The following EIF4G2 variants were observed in gnomAD, a reference collection of about 807,000 sequenced individuals.
The protein encoded by EIF4G2 is DAP-5.
In EIF4G2, 8 loss-of-function variants were observed where a neutral mutation model predicts 117.7. That is an observed-to-expected ratio of 0.07 (90% confidence interval 0.04 to 0.12). EIF4G2 has a LOEUF of 0.12. Among genes scored for constraint, EIF4G2 ranks in the 10% least tolerant of loss-of-function variants. The pLI is 1.00. For missense variants in EIF4G2, 812 were observed against 1,086.2 expected, an observed-to-expected ratio of 0.75 and a Z score of 3.55; for synonymous variants, 413 against 367.8, an observed-to-expected ratio of 1.12 and a Z score of -1.41.
chr11:10,802,307 A>G lies in EIF4G2; in HGVS notation c.1125T>C (p.Phe375=). ...TTTCAAAATTACCTGGCATTTGTCCAAACATATCAGCAAGTCCTCCAAGTG... is the reference window on the plus strand; with the variant it reads ...TTTCAAAATTACCTGGCATTTGTCCGAACATATCAGCAAGTCCTCCAAGTG... The change falls in exon 12 of 22, where the codon TTT becomes TTC. Residue 375 remains phenylalanine (F), a synonymous_variant. Coordinates refer to ENST00000339995, the MANE Select transcript of EIF4G2 (RefSeq NM_001418.4). 1 of 1,613,430 alleles carries G rather than the reference A, an allele frequency of 6.2e-7. No individual in the cohort carries two copies. The highest frequency in any genetic ancestry group is 1.1e-5 in the South Asian group (1 of 90,984).
In EIF4G2 at chr11:10,800,787, G is replaced by A; in HGVS notation, c.1588C>T (p.Pro530Ser). 2 of 1,614,180 alleles carry A rather than the reference G, an allele frequency of 1.2e-6. No individual in the cohort carries two copies. Among genetic ancestry groups the A allele is most frequent in the Non-Finnish European group, 1.7e-6 (2 of 1,180,026 alleles). Residue 530 changes from proline to serine, a missense_variant, in exon 16 of 22, where the codon CCT (proline) becomes TCT (serine). By Grantham distance (74) the Pro-to-Ser change is moderately conservative. Transcript: ENST00000339995. ...GGTGGCTTTTTGCTGGTCTTGGCAG[G>A]CTTTTCCTGGATAAGCGGTGGATTA...
At position 10,800,731 on chromosome 11, in the gene EIF4G2, A is replaced by G. The variant is rs747767514; in HGVS notation, c.1644T>C (p.Thr548=). Reference sequence around the variant, plus strand: ...CTAAAATGGGATATTTGAAACTTACAGTTAGTTTAAGGAGTTCTTCCTTTG... The same window carrying G: ...CTAAAATGGGATATTTGAAACTTACGGTTAGTTTAAGGAGTTCTTCCTTTG... The change falls in exon 16 of 22, where the codon ACT becomes ACC. Residue 548 remains threonine, a splice_region_variant and synonymous_variant. Transcript: ENST00000339995. 1.2e-6 allele frequency: 2 copies of G among 1,614,034 alleles called. No homozygotes were observed. The highest frequency in any genetic ancestry group is 2.7e-5 in the African/African-American group (2 of 74,920).
rs571708368 is a variant in EIF4G2, at chr11:10,807,361, G to A, written c.-66C>T. 4.7e-5 allele frequency: 75 copies of A among 1,606,558 alleles called. No homozygotes were observed. In the African/African-American group the frequency reaches 9.1e-4, roughly 20 times the overall value. On this transcript the variant is annotated 5_prime_UTR_variant, in exon 2 of 22. Coordinates refer to ENST00000339995, the MANE Select transcript of EIF4G2 (RefSeq NM_001418.4). ...TTAATAGATGGGGTGGGGAGGGGAG[G>A]GGACAGGAGAAATGAAATACCTGGA...
At position 10,806,028 on chromosome 11, in the gene EIF4G2, G is replaced by A. The variant is rs1222526983; in HGVS notation, c.127C>T (p.Pro43Ser). Residue 43 changes from proline to serine, a missense_variant, in exon 4 of 22, where the codon CCA becomes TCA. Pro to Ser is a moderately conservative substitution (Grantham distance 74). This residue lies in a region of EIF4G2 where 79 missense variants were observed against 91.5 expected (regional missense o/e 0.86). Coordinates refer to ENST00000339995, the MANE Select transcript of EIF4G2 (RefSeq NM_001418.4). ...ATCCATTTCTGAGCGTTTTGCCCTGGGGTTTTCCCCAGGAACTCGCTGATT... is the reference window on the plus strand; with the variant it reads ...ATCCATTTCTGAGCGTTTTGCCCTGAGGTTTTCCCCAGGAACTCGCTGATT... 7.4e-6 allele frequency: 12 copies of A among 1,614,040 alleles called. No homozygotes were observed. Among genetic ancestry groups the A allele is most frequent in the African/African-American group, 1.3e-5 (1 of 74,910 alleles).
chr11:10,800,395 T>TA, intron 17 of EIF4G2, 37 bp downstream of exon 17: 1 of 1,613,056 alleles, frequency 6.2e-7, no homozygotes, highest in Non-Finnish European at 8.5e-7. Flanking sequence ...ATTTGAGTGG[T>TA]AAGAGTTCTT....
intron 5 of EIF4G2, 77 bp downstream of exon 5, chr11:10,804,836 A>C: frequency 8.2e-7 from 1 of 1,225,500 alleles, no homozygotes; most frequent in African/African-American, 1.5e-5. Context: ...GTAGTAATCC[A>C]AGTGTAAAAA....
rs1367902325 is a variant in EIF4G2 at position 10,808,883 on chromosome 11, C to G, written c.-265G>C. Reference sequence around the variant, plus strand: ...AGGAGTCGCTGCTGCAGCCGCCACTCGGTACCCGCTGCCACCTCCATAGAG... The same window carrying G: ...AGGAGTCGCTGCTGCAGCCGCCACTGGGTACCCGCTGCCACCTCCATAGAG... On this transcript the variant is annotated 5_prime_UTR_variant, in exon 1 of 22. Coordinates refer to ENST00000339995, the MANE Select transcript of EIF4G2 (RefSeq NM_001418.4). The G allele has an allele frequency of 2.5e-5, 4 of 157,258 alleles. No homozygotes were observed. In the Admixed American group the frequency reaches 2.6e-4, roughly 10 times the overall value. The allele number at this position is 157,258 out of a possible 1,614,324, so 9.7% of individuals were successfully genotyped here.
At chr11:10,808,044 G>A (rs1423242796) in intron 1 of EIF4G2, 2 of 1,036,058 alleles carry the variant, frequency 1.9e-6, no homozygotes, top group South Asian at 2.9e-5. Context: ...ACGGGGAGGA[G>A]CAGCTGAGGC....
rs1282476567 is a variant in EIF4G2, at chr11:10,802,379, A to G, written c.1053T>C (p.Phe351=). 3 of 1,613,832 alleles carry G rather than the reference A, an allele frequency of 1.9e-6. No homozygotes were observed. The highest frequency in any genetic ancestry group is 2.5e-6 in the Non-Finnish European group (3 of 1,179,966). Reference sequence around the variant, plus strand: ...TGGGTGGCATGAACGGTCCCTCCAGAAAGAAGTCACTTCTCATCCCTTGAG... The same window carrying G: ...TGGGTGGCATGAACGGTCCCTCCAGGAAGAAGTCACTTCTCATCCCTTGAG... The change falls in exon 12 of 22, where the codon TTT becomes TTC. Residue 351 remains phenylalanine, a synonymous_variant. Coordinates refer to ENST00000339995, the MANE Select transcript of EIF4G2 (RefSeq NM_001418.4).
chr11:10,808,620 C>A, intron 1 of EIF4G2, 85 bp downstream of exon 1: 81 of 505,552 alleles, frequency 1.6e-4, no homozygotes, highest in Non-Finnish European at 2.1e-4. Flanking sequence ...CTGCGGCCGC[C>A]ATTTTGTACC....
chr11:10,800,643 G>C lies in EIF4G2; in HGVS notation c.1649C>G (p.Thr550Ser). The C allele has an allele frequency of 6.2e-7, 1 of 1,614,078 alleles. No individual in the cohort carries two copies. The highest frequency in any genetic ancestry group is 8.5e-7 in the Non-Finnish European group (1 of 1,180,008). Residue 550 changes from threonine to serine, a missense_variant, in exon 17 of 22, where the codon ACT becomes AGT. Coordinates refer to ENST00000339995, the MANE Select transcript of EIF4G2 (RefSeq NM_001418.4). The stretch of plus-strand genomic sequence containing the variant: ...ACTATTTAGATATTCAGTCACAACA[G>C]TTTCCTGTGAAGAACACAAGTATCT...
chr11:10,807,090 A>AT (rs1260295114), intron 2 of EIF4G2, 165 bp downstream of exon 2: 1 of 1,209,226 alleles, frequency 8.3e-7, no homozygotes, highest in Non-Finnish European at 1.2e-6. Flanking sequence ...CAAATAATTG[A>AT]TTTTATTTAT....
Position 10,799,127 on chromosome 11 carries a change from AAAAAAAG to A in EIF4G2, c.2537-21_2537-15del, listed in dbSNP as rs1564980262. The A allele has an allele frequency of 3.2e-6, 5 of 1,577,070 alleles. No individual in the cohort carries two copies. The Middle Eastern group carries it at 8.6e-4, about 270-fold the overall frequency. Reference sequence around the variant, plus strand: ...GAAGTAACATGCCTTAAAAAAAAAAAAAAAAAGAAAAAAGTAATAAGCCCATTATTTA... The same window carrying A: ...GAAGTAACATGCCTTAAAAAAAAAAAAAAAAAGTAATAAGCCCATTATTTA... On this transcript the variant is annotated splice_polypyrimidine_tract_variant and intron_variant, in intron 20 of 21. Coordinates refer to ENST00000339995, the MANE Select transcript of EIF4G2 (RefSeq NM_001418.4).
intron 18 of EIF4G2, 49 bp downstream of exon 18, chr11:10,800,041 C>CT: frequency 1.3e-6 from 2 of 1,578,834 alleles, no homozygotes; most frequent in Non-Finnish European, 1.7e-6. Context: ...CCTGAAATCT[C>CT]TAGATATAAT....
intron 21 of EIF4G2, among the ~76,000 whole-genome samples, chr11:10,798,317 G>C (rs7117587): frequency 0.48 from 72,570 of 152,068 alleles, 19,390 homozygotes; most frequent in African/African-American, 0.73. Context: ...AGGGCTACAA[G>C]TTCATTCAAT....
intron 15 of EIF4G2, 53 bp from the exon 16 acceptor site, chr11:10,800,888 G>T: frequency 1.2e-6 from 2 of 1,611,670 alleles, no homozygotes; most frequent in Non-Finnish European, 1.7e-6. Flanking sequence ...ATGAAATTAG[G>T]GGGAAGAACA....
At chr11:10,800,395 T>C (rs754972867) in intron 17 of EIF4G2, 37 bp downstream of exon 17, 6 of 1,613,056 alleles carry the variant, frequency 3.7e-6, no homozygotes, top group Non-Finnish European at 5.1e-6. Context: ...ATTTGAGTGG[T>C]AAGAGTTCTT....
chr11:10,802,938 C>A (rs1035763650), intron 11 of EIF4G2, 92 bp downstream of exon 11: 3 of 1,055,796 alleles, frequency 2.8e-6, no homozygotes, highest in Non-Finnish European at 4.2e-6. Flanking sequence ...ATGAGACAGA[C>A]CCCTCAAGCG....
At position 10,803,229 on chromosome 11, in the gene EIF4G2, C is replaced by T. The variant is rs759426184; in HGVS notation, c.879G>A (p.Arg293=). The T allele has an allele frequency of 1.2e-6, 2 of 1,614,016 alleles. No individual in the cohort carries two copies. Among genetic ancestry groups the T allele is most frequent in the Admixed American group, 3.3e-5 (2 of 60,000 alleles). ...GTATTACCTGCAGCAGGAAACGAAT[C>T]CTTGCTGGCAATTCCTTACTTAACA... The change falls in exon 10 of 22, where the codon AGG becomes AGA. Residue 293 remains arginine (R), a synonymous_variant. Coordinates refer to ENST00000339995, the MANE Select transcript of EIF4G2 (RefSeq NM_001418.4). The surrounding 1 kb of genome is among the most constrained non-coding windows in gnomAD (Gnocchi z 4.0).
Sources: allele counts gnomAD v4.1 joint callset (sites outside exome capture counted in the v4.1 genomes callset), GRCh38; gene constraint gnomAD v4.1.1; regional missense constraint gnomAD v4.1.1; non-coding constraint Gnocchi (gnomAD v3.1); transcripts MANE v1.5; gene names NCBI Gene and HGNC (gene_info 2026-07-23, HGNC 2026-07-21).